Variants in MRI1 observed in about 807,000 individuals in gnomAD.
MRI1 encodes the protein methylthioribose-1-phosphate isomerase 1.
MRI1 carries 32 observed loss-of-function variants against 27.3 expected under a neutral mutation model. The observed-to-expected ratio is 1.17, with a 90% CI of 0.88 to 1.57. MRI1 has a LOEUF of 1.57. Ranked by LOEUF, MRI1 falls within the 40% of genes most tolerant of loss-of-function variation. The probability of loss-of-function intolerance (pLI) is 0.00; values close to 1 mark genes in which losing one functional copy is unlikely to be tolerated. For missense variants in MRI1, 508 were observed against 516.1 expected (o/e 0.98, Z 0.15); for synonymous variants, 216 against 227.4 (o/e 0.95, Z 0.45).
At chr19:13,770,606 G>T (rs184769982) in intron 5 of MRI1, among the ~76,000 whole-genome samples, 39 of 148,942 alleles carry the variant, frequency 2.6e-4, no homozygotes, top group Middle Eastern at 4.1e-3. Context: ...AAAAAAGGCC[G>T]AGCGCTGTGG....
At chr19:13,766,446 A>G (rs187004937) in intron 3 of MRI1, among the ~76,000 whole-genome samples, 4 of 152,208 alleles carry the variant, frequency 2.6e-5, no homozygotes, top group Admixed American at 2.6e-4. Context: ...CTTGTATCTC[A>G]GGGGGTCCAC....
chr19:13,768,377 C>T (rs146793123), intron 3 of MRI1, 184 bp from the exon 4 acceptor site: 14 of 1,497,816 alleles, frequency 9.3e-6, no homozygotes, highest in African/African-American at 4.2e-5. Context: ...CGGAGCTATG[C>T]GAGCATTGGG....
rs748423476 is a variant in MRI1, at chr19:13,764,543, G to C, written c.-46G>C. The C allele has an allele frequency of 2.5e-6, 4 of 1,591,716 alleles. No individual in the cohort carries two copies. Among genetic ancestry groups the C allele is most frequent in the Non-Finnish European group, 3.4e-6 (4 of 1,170,482 alleles). On this transcript the variant is annotated 5_prime_UTR_variant, in exon 1 of 6. Coordinates refer to ENST00000040663, the MANE Select transcript of MRI1 (RefSeq NM_001031727.4). ...CCCCGCCCCGCTCCCAAGTGCGCGC[G>C]GACCCCTAGCTCCCTCTGAGTTGCG... is the stretch of plus-strand genomic sequence containing the variant.
rs112124892 is a variant in MRI1 at position 13,772,119 on chromosome 19, A to G, written c.950-2A>G. 13 of 1,611,188 alleles carry G rather than the reference A, an allele frequency of 8.1e-6. No individual in the cohort carries two copies. The highest frequency in any genetic ancestry group is 1.1e-5 in the Non-Finnish European group (13 of 1,178,630). On this transcript the variant is annotated splice_acceptor_variant, in intron 5 of 5. Transcript: ENST00000040663. LOFTEE classifies it high-confidence loss of function. ...TCCTTGCCTCCCCTCTCTCCCCTGCAGGGATTGGAGTTTGGAATCCTGCCT... is the reference window on the plus strand; with the variant it reads ...TCCTTGCCTCCCCTCTCTCCCCTGCGGGGATTGGAGTTTGGAATCCTGCCT...
chr19:13,768,906 C>G lies in MRI1; in HGVS notation c.807C>G (p.Ala269=), dbSNP rs747145266. The G allele has an allele frequency of 1.2e-6, 2 of 1,614,010 alleles. No homozygotes were observed. Among genetic ancestry groups the G allele is most frequent in the Non-Finnish European group, 1.7e-6 (2 of 1,180,002 alleles). The change falls in exon 5 of 6, where the codon GCC becomes GCG. Residue 269 remains alanine (A), a synonymous_variant. Transcript: ENST00000040663. Reference sequence around the variant, plus strand: ...GCACCTACCAGCTGGCCATTGTCGCCAAGCACCATGGCATTCCCTTCTACG... The same window carrying G: ...GCACCTACCAGCTGGCCATTGTCGCGAAGCACCATGGCATTCCCTTCTACG... The part of the protein sequence containing the change: ...KVGTYQLAIV[A]KHHGIPFYVA...
At chr19:13,767,746 T>A (rs553038540) in intron 3 of MRI1, among the ~76,000 whole-genome samples, 1 of 151,994 alleles carries the variant, frequency 6.6e-6, no homozygotes, top group African/African-American at 2.4e-5. Flanking sequence ...TTATTTATTT[T>A]GGAGACAGAG....
intron 2 of MRI1, among the ~76,000 whole-genome samples, chr19:13,765,572 C>G (rs997607234): frequency 1.3e-5 from 2 of 152,182 alleles, no homozygotes; most frequent in African/African-American, 4.8e-5. Flanking sequence ...GCCATTGGTG[C>G]GGGCCAGGTA....
In MRI1 at chr19:13,769,049, G is replaced by A. The variant is rs759205770; in HGVS notation, c.949+1G>A. 1.9e-6 allele frequency: 3 copies of A among 1,601,402 alleles called. No individual in the cohort carries two copies. The highest frequency in any genetic ancestry group is 2.6e-6 in the Non-Finnish European group (3 of 1,171,434). ...AATGGGGTCCGGATTGCAGCACCTG[G>A]TAAGCTGCCCCCTCAGAAAGGGGAC... is the stretch of plus-strand genomic sequence containing the variant. On this transcript the variant is annotated splice_donor_variant, in intron 5 of 5. Transcript: ENST00000040663. LOFTEE classifies it high-confidence loss of function.
At position 13,768,930 on chromosome 19, in the gene MRI1, C is replaced by G; in HGVS notation, c.831C>G (p.Tyr277Ter). 6.2e-7 allele frequency: 1 copy of G among 1,614,162 alleles called. No homozygotes were observed. The highest frequency in any genetic ancestry group is 8.5e-7 in the Non-Finnish European group (1 of 1,180,022). ...IVAKHHGIPF[Y>*]VAAPSSSCDL... Reference sequence around the variant, plus strand: ...CCAAGCACCATGGCATTCCCTTCTACGTGGCTGCCCCCAGCTCTTCATGTG... The same window carrying G: ...CCAAGCACCATGGCATTCCCTTCTAGGTGGCTGCCCCCAGCTCTTCATGTG... The change falls in exon 5 of 6, where the codon TAC becomes TAG. Residue 277 changes from tyrosine to a stop codon, truncating the protein, a stop_gained. Coordinates refer to ENST00000040663, the MANE Select transcript of MRI1 (RefSeq NM_001031727.4). LOFTEE classifies it high-confidence loss of function.
At position 13,769,034 on chromosome 19, in the gene MRI1, G is replaced by A. The variant is rs201584786; in HGVS notation, c.935G>A (p.Arg312Gln). The change falls in exon 5 of 6, where the codon CGG (arginine) becomes CAG (glutamine). Residue 312 changes from arginine to glutamine, a missense_variant. Physicochemically the swap from Arg to Gln is conservative, Grantham distance 43. Transcript: ENST00000040663. Reference sequence around the variant, plus strand: ...GAGCTGACCGATGTTAATGGGGTCCGGATTGCAGCACCTGGTAAGCTGCCC... The same window carrying A: ...GAGCTGACCGATGTTAATGGGGTCCAGATTGCAGCACCTGGTAAGCTGCCC... ...GQELTDVNGV[R>Q]IAAPGIGVWN... The A allele has an allele frequency of 1.7e-5, 27 of 1,608,640 alleles. No homozygotes were observed. The Admixed American group carries it at 2.5e-4, about 15-fold the overall frequency.
intron 3 of MRI1, 71 bp downstream of exon 3, chr19:13,766,200 C>T: frequency 7.3e-7 from 1 of 1,371,252 alleles, no homozygotes; most frequent in Non-Finnish European, 9.7e-7. Context: ...GAAAGAATCC[C>T]AAACCCAAAC....
At position 13,772,482 on chromosome 19, in the gene MRI1, G is replaced by A; in HGVS notation, c.*201G>A. On this transcript the variant is annotated 3_prime_UTR_variant, in exon 6 of 6. Transcript: ENST00000040663. ...GACTCCGCCACTTTTCCCACTGTATGATCTTGGGCAAGTCACTTCACCTCT... is the reference window on the plus strand; with the variant it reads ...GACTCCGCCACTTTTCCCACTGTATAATCTTGGGCAAGTCACTTCACCTCT... 2.0e-6 allele frequency: 1 copy of A among 511,090 alleles called. No homozygotes were observed. Among genetic ancestry groups the A allele is most frequent in the Non-Finnish European group, 3.5e-6 (1 of 289,016 alleles). The allele number at this position is 511,090 out of a possible 1,614,324, so 31.7% of individuals were successfully genotyped here.
At position 13,765,086 on chromosome 19, in the gene MRI1, T is replaced by C. The variant is rs755460022; in HGVS notation, c.348T>C (p.Ala116=). Residue 116 remains alanine, a synonymous_variant, in exon 2 of 6, where the codon GCT becomes GCC. Coordinates refer to ENST00000040663, the MANE Select transcript of MRI1 (RefSeq NM_001031727.4). ...CCCGGGAGGCCGAACGGGAGGGCGC[T>C]ACGGAAGAGGCGGTCCGGGAGAGGT... ...VAAREAEREG[A]TEEAVRERVI... 18 of 1,537,922 alleles carry C rather than the reference T, an allele frequency of 1.2e-5. No individual in the cohort carries two copies. In the East Asian group the frequency reaches 1.5e-4, roughly 13 times the overall value.
rs1274720713 is a variant in MRI1, at chr19:13,774,028, A to T, written c.*1747A>T. ...GACCTCAACACCCTGGTTCCACTAA[A>T]ACTTTATTTACAAAATTATGCTGCC... On this transcript the variant is annotated 3_prime_UTR_variant, in exon 6 of 6. Coordinates refer to ENST00000040663, the MANE Select transcript of MRI1 (RefSeq NM_001031727.4). 6.3e-6 allele frequency: 1 copy of T among 159,660 alleles called. No homozygotes were observed. The highest frequency in any genetic ancestry group is 2.4e-5 in the African/African-American group (1 of 41,532). 9.9% of individuals were successfully genotyped at this position (159,660 alleles called of 1,614,324 possible).
At chr19:13,767,190 G>C (rs1328253230) in intron 3 of MRI1, among the ~76,000 whole-genome samples, 1 of 151,036 alleles carries the variant, frequency 6.6e-6, no homozygotes, top group Non-Finnish European at 1.5e-5. Context: ...GGGATTATAG[G>C]CGTGAGCCAC....
chr19:13,770,996 G>A (rs1379524526), intron 5 of MRI1, among the ~76,000 whole-genome samples: 2 of 152,286 alleles, frequency 1.3e-5, no homozygotes, highest in African/African-American at 4.8e-5. Flanking sequence ...GGAGGCTGAG[G>A]TGGGAGGATC....
chr19:13,767,055 T>A (rs1227929465), intron 3 of MRI1, among the ~76,000 whole-genome samples: 9 of 77,186 alleles, frequency 1.2e-4, no homozygotes, highest in African/African-American at 4.9e-4. Flanking sequence ...TTTTTTTTTT[T>A]TTTTTTTTTT....
intron 5 of MRI1, among the ~76,000 whole-genome samples, chr19:13,770,477 C>T (rs1009588086): frequency 4.6e-5 from 7 of 151,992 alleles, no homozygotes; most frequent in African/African-American, 1.7e-4. Flanking sequence ...GTCCCATCTA[C>T]TTGGGAAGCT....
At chr19:13,766,210 C>G (rs1244683211) in intron 3 of MRI1, 81 bp downstream of exon 3, 12 of 1,306,870 alleles carry the variant, frequency 9.2e-6, no homozygotes, top group Non-Finnish European at 1.1e-5. Context: ...CAAACCCAAA[C>G]CACTTTATCC....
Sources: gnomAD v4.1 joint callset for allele counts (sites outside exome capture counted in the v4.1 genomes callset) on GRCh38, gnomAD v4.1.1 for gene constraint, MANE v1.5 for transcripts, NCBI Gene and HGNC (gene_info 2026-07-23, HGNC 2026-07-21) for gene names.